The following ASTN2 variants were observed in gnomAD, a reference collection of about 807,000 sequenced individuals.
ASTN2 encodes astrotactin 2, also known as astrotactin-2.
A neutral mutation model predicts 139.8 loss-of-function variants in ASTN2; 54 were observed. That is an observed-to-expected ratio of 0.39 (90% CI 0.31 to 0.48). The LOEUF (loss-of-function observed/expected upper bound fraction) is 0.48. Among genes scored for constraint, ASTN2 ranks in the 20% least tolerant of loss-of-function variants. The probability of loss-of-function intolerance (pLI) is 0.95; values close to 1 mark genes in which losing one functional copy is unlikely to be tolerated. For missense variants in ASTN2, 1,565 were observed against 1,725.1 expected (o/e 0.91, Z 1.64); for synonymous variants, 756 against 719.5 (o/e 1.05, Z -0.81).
chr9:116,931,124 A>G (rs1393906227), intron 10 of ASTN2, among the ~76,000 whole-genome samples: 1 of 152,114 alleles, frequency 6.6e-6, no homozygotes, highest in East Asian at 1.9e-4. Context: ...TTGTTTCACC[A>G]TCTCTAGAAC....
chr9:117,067,599 G>T (rs999075622), intron 5 of ASTN2, among the ~76,000 whole-genome samples: 4 of 145,848 alleles, frequency 2.7e-5, no homozygotes, highest in Admixed American at 2.0e-4. Flanking sequence ...ACCTTGGGCA[G>T]TATGGCCATT....
intron 11 of ASTN2, among the ~76,000 whole-genome samples, chr9:116,852,532 C>A (rs998799625): frequency 3.9e-5 from 6 of 152,114 alleles, no homozygotes; most frequent in Non-Finnish European, 8.8e-5. Context: ...TTTGATGAAA[C>A]CTTCTCACTG....
At chr9:117,038,529 C>T (rs1334078) in intron 6 of ASTN2, among the ~76,000 whole-genome samples, 62,787 of 151,892 alleles carry the variant, frequency 0.41, 13,089 homozygotes, top group East Asian at 0.53. Context: ...GTGATGGCTA[C>T]GTTTATGGCA....
intron 19 of ASTN2, among the ~76,000 whole-genome samples, chr9:116,522,168 T>C (rs1019702524): frequency 1.3e-5 from 2 of 152,152 alleles, no homozygotes; most frequent in Admixed American, 1.3e-4. Context: ...ACTAGGTATA[T>C]ATCTAGAGTA....
chr9:117,245,285 T>C (rs1326671966), intron 2 of ASTN2, among the ~76,000 whole-genome samples: 1 of 152,186 alleles, frequency 6.6e-6, no homozygotes, highest in Non-Finnish European at 1.5e-5. Flanking sequence ...AGTCGGAATA[T>C]TTGGGTGAAT....
At chr9:117,035,101 TAAG>T in intron 6 of ASTN2, among the ~76,000 whole-genome samples, 1 of 152,218 alleles carries the variant, frequency 6.6e-6, no homozygotes, top group South Asian at 2.1e-4. Flanking sequence ...CTCTCTCTAC[TAAG>T]AAGGGCCAGC....
chr9:116,700,411 C>T (rs937938071), intron 16 of ASTN2: 1 of 167,116 alleles, frequency 6.0e-6, no homozygotes, highest in African/African-American at 2.4e-5. Context: ...AAATTGCTTG[C>T]CTTTTAAAGA....
intron 6 of ASTN2, among the ~76,000 whole-genome samples, chr9:117,034,233 T>C (rs549864315): frequency 6.3e-4 from 96 of 152,318 alleles, no homozygotes; most frequent in African/African-American, 2.3e-3. Context: ...CCCACTTACA[T>C]TGGGAACCTC....
At chr9:116,562,977 T>A (rs1459412675) in intron 19 of ASTN2, among the ~76,000 whole-genome samples, 1 of 152,098 alleles carries the variant, frequency 6.6e-6, no homozygotes, top group Non-Finnish European at 1.5e-5. Flanking sequence ...CTTGCCCTCA[T>A]GGAACTTGCA....
chr9:117,080,130 G>A (rs1828387637), intron 5 of ASTN2, among the ~76,000 whole-genome samples: 1 of 152,128 alleles, frequency 6.6e-6, no homozygotes, highest in South Asian at 2.1e-4. Flanking sequence ...TCCCTTTCAG[G>A]AACAGGCAGA....
At chr9:117,347,106 A>T (rs1168825142) in intron 1 of ASTN2, among the ~76,000 whole-genome samples, 1 of 152,044 alleles carries the variant, frequency 6.6e-6, no homozygotes, top group Non-Finnish European at 1.5e-5. Context: ...ACATCCAAGT[A>T]GGGGGCTTTG....
chr9:116,565,383 CTCTCCATATATATA>C lies in ASTN2; in HGVS notation c.3355+52927_3355+52940del, dbSNP rs1434546152. ...TCTCTCTCTCTCTCTCTCTCTCTCT[CTCTCCATATATATA>C]TATATATATATATATATATATATAT... On this transcript the variant is annotated intron_variant, in intron 19 of 22. Coordinates refer to ENST00000313400, the MANE Select transcript of ASTN2 (RefSeq NM_001365068.1). 6.9e-3 allele frequency among the ~76,000 whole-genome samples: 250 copies of C among 36,074 alleles called. 12 individuals are homozygous for C. In the East Asian group the frequency reaches 0.11, roughly 16 times the overall value. The allele number at this position is 36,074 out of a possible 152,430, so 23.7% of individuals were successfully genotyped here. A position where few individuals can be genotyped will look rare whatever the true frequency, so the allele number is the denominator to read the frequency against.
chr9:117,235,984 T>C (rs1025667325), intron 2 of ASTN2, among the ~76,000 whole-genome samples: 2 of 152,232 alleles, frequency 1.3e-5, no homozygotes, highest in East Asian at 1.9e-4. Context: ...CAGGTCTTTC[T>C]GACTTGAGCT....
chr9:116,467,514 C>T (rs1454946186), intron 20 of ASTN2, among the ~76,000 whole-genome samples: 1 of 152,224 alleles, frequency 6.6e-6, no homozygotes, highest in African/African-American at 2.4e-5. Flanking sequence ...ATCCGCCTGC[C>T]TCAGCCTCCC....
At chr9:116,842,326 T>G (rs1302997556) in intron 11 of ASTN2, among the ~76,000 whole-genome samples, 1 of 152,148 alleles carries the variant, frequency 6.6e-6, no homozygotes, top group East Asian at 1.9e-4. Flanking sequence ...ATGCTATCTT[T>G]TTTAATCCCC....
intron 13 of ASTN2, 116 bp from the exon 14 acceptor site, chr9:116,733,639 C>T (rs1828846681): frequency 2.3e-6 from 3 of 1,332,788 alleles, no homozygotes; most frequent in Non-Finnish European, 3.1e-6. Flanking sequence ...GGTGACTTTG[C>T]TGTAATGCCT....
At position 116,699,332 on chromosome 9, in the gene ASTN2, C is replaced by G. The variant is rs1184419258; in HGVS notation, c.2806+26439G>C. On this transcript the variant is annotated intron_variant, in intron 16 of 22. Coordinates refer to ENST00000313400, the MANE Select transcript of ASTN2 (RefSeq NM_001365068.1). The surrounding 1 kb of genome is among the most constrained non-coding windows in gnomAD (Gnocchi z 4.2). ...ATGCTGAGGGCACCGTCTACTTCAC[C>G]CAGGGCTTAGGCCTCAATCTGGAGA... 1 of 1,614,194 alleles carries G rather than the reference C, an allele frequency of 6.2e-7. No homozygotes were observed. The highest frequency in any genetic ancestry group is 2.2e-5 in the East Asian group (1 of 44,880).
At position 117,351,055 on chromosome 9, in the gene ASTN2, C is replaced by T. The variant is rs574615403; in HGVS notation, c.443-59542G>A. 1.1e-3 allele frequency among the ~76,000 whole-genome samples: 166 copies of T among 152,226 alleles called. 2 individuals are homozygous for T. Among genetic ancestry groups the T allele is most frequent in the Admixed American group, 3.1e-3 (48 of 15,282 alleles). ...CTGCTTGCTCTCCTTGCACCCTCAA[C>T]GTCTACACTGCTACTCTCTTTAACA... On this transcript the variant is annotated intron_variant, in intron 1 of 22. Transcript: ENST00000313400.
At chr9:116,587,380 G>C (rs1854203203) in intron 19 of ASTN2, among the ~76,000 whole-genome samples, 1 of 145,790 alleles carries the variant, frequency 6.9e-6, no homozygotes, top group Non-Finnish European at 1.5e-5. Flanking sequence ...CACTGTTATA[G>C]AAGATCAGAT....
Sources: gnomAD v4.1 joint callset for allele counts (sites outside exome capture counted in the v4.1 genomes callset) on GRCh38, gnomAD v4.1.1 for gene constraint, Gnocchi (gnomAD v3.1) non-coding constraint, MANE v1.5 for transcripts, NCBI Gene and HGNC (gene_info 2026-07-23, HGNC 2026-07-21) for gene names.